The following TRIP4 variants were observed in gnomAD, a reference collection of about 807,000 sequenced individuals.
TRIP4 encodes the protein thyroid hormone receptor interactor 4.
A neutral mutation model predicts 81.8 loss-of-function variants in TRIP4; 54 were observed. The ratio of observed to expected loss-of-function variants is 0.66; its 90% CI spans 0.53 to 0.83. TRIP4 has a LOEUF of 0.83. Ranked by LOEUF, TRIP4 falls within the 40% of genes least tolerant of loss-of-function variation. The pLI is 0.00. For missense variants in TRIP4, 662 were observed against 683.6 expected (o/e 0.97, Z 0.35); for synonymous variants, 270 against 242.8 (o/e 1.11, Z -1.04).
intron 12 of TRIP4, among the ~76,000 whole-genome samples, chr15:64,449,205 C>G (rs1892698414): frequency 6.7e-6 from 1 of 148,550 alleles, no homozygotes; most frequent in Non-Finnish European, 1.5e-5. Context: ...CAGCAAGACC[C>G]TGTCTCTAAA....
intron 8 of TRIP4, among the ~76,000 whole-genome samples, chr15:64,415,868 A>G (rs765831484): frequency 1.3e-5 from 2 of 152,196 alleles, no homozygotes; most frequent in Non-Finnish European, 2.9e-5. Flanking sequence ...AAGTAGGCAA[A>G]GAAGGGTTCT....
In TRIP4 at chr15:64,409,755, A is replaced by C; in HGVS notation, c.970A>C (p.Lys324Gln). ...ACTTCGACACGCCTCTCGACTTTCT[A>C]AGAAGGTCACCATTGACTTTGCAGG... ...RELRHASRLSKKVTIDFAGRK... is the reference protein window; with the variant it reads ...RELRHASRLSQKVTIDFAGRK... The change falls in exon 7 of 13, where the codon AAG becomes CAG. Residue 324 changes from lysine to glutamine, a missense_variant. Physicochemically the swap from Lys to Gln is moderately conservative, Grantham distance 53 (BLOSUM62 1). Transcript: ENST00000261884. 1.2e-6 allele frequency: 2 copies of C among 1,614,140 alleles called. No individual in the cohort carries two copies. The highest frequency in any genetic ancestry group is 1.7e-6 in the Non-Finnish European group (2 of 1,180,028).
intron 1 of TRIP4, among the ~76,000 whole-genome samples, chr15:64,391,318 A>G (rs1473110916): frequency 2.0e-5 from 3 of 151,690 alleles, no homozygotes; most frequent in Non-Finnish European, 4.4e-5. Flanking sequence ...CACCATGCCC[A>G]GCTAATTTTT....
intron 11 of TRIP4, among the ~76,000 whole-genome samples, chr15:64,431,252 C>T (rs1259782916): frequency 3.9e-5 from 6 of 152,098 alleles, no homozygotes; most frequent in South Asian, 2.1e-4. Flanking sequence ...CAAAATATTC[C>T]GATAACAGCC....
intron 3 of TRIP4, 92 bp downstream of exon 3, chr15:64,395,623 G>C: frequency 7.2e-7 from 1 of 1,380,404 alleles, no homozygotes; most frequent in South Asian, 1.7e-5. Flanking sequence ...AATTGGTCTA[G>C]AATGGCAATT....
At chr15:64,402,545 C>T (rs1373480867) in intron 5 of TRIP4, among the ~76,000 whole-genome samples, 6 of 138,496 alleles carry the variant, frequency 4.3e-5, no homozygotes, top group South Asian at 4.5e-4. Flanking sequence ...TTTTCTGAGA[C>T]GGAGTTTTGC....
intron 6 of TRIP4, among the ~76,000 whole-genome samples, chr15:64,408,786 A>C (rs1204085238): frequency 6.6e-6 from 1 of 152,138 alleles, no homozygotes; most frequent in African/African-American, 2.4e-5. Flanking sequence ...TCCAGGTTTT[A>C]GTGTCTCTGT....
At chr15:64,418,463 A>G (rs1170312836) in intron 8 of TRIP4, 78 bp from the exon 9 acceptor site, 1 of 1,388,172 alleles carries the variant, frequency 7.2e-7, no homozygotes. Context: ...CCTCATTATT[A>G]GCATTCGCAT....
At position 64,444,877 on chromosome 15, in the gene TRIP4, T is replaced by G; in HGVS notation, c.1576-129T>G. On this transcript the variant is annotated intron_variant, in intron 11 of 12. Transcript: ENST00000261884. ...GTTTGTTCTTGCTTGTTGAGCATAA[T>G]CCTCTTTACCTGTGAAATGGAAAGT... 5.2e-6 allele frequency: 3 copies of G among 574,546 alleles called. No individual in the cohort carries two copies. In the South Asian group the frequency reaches 6.4e-5, roughly 12 times the overall value. The allele number at this position is 574,546 out of a possible 1,614,324, so 35.6% of individuals were successfully genotyped here.
chr15:64,427,010 A>G (rs572127566), intron 11 of TRIP4, among the ~76,000 whole-genome samples: 2 of 151,646 alleles, frequency 1.3e-5, no homozygotes, highest in East Asian at 3.9e-4. Context: ...AAAAAAAAGA[A>G]AAAAAAAAGA....
At chr15:64,401,814 A>G (rs923358413) in intron 5 of TRIP4, among the ~76,000 whole-genome samples, 12 of 152,354 alleles carry the variant, frequency 7.9e-5, no homozygotes, top group African/African-American at 2.6e-4. Flanking sequence ...AGAACACTAC[A>G]GTAGTAACTG....
intron 11 of TRIP4, among the ~76,000 whole-genome samples, chr15:64,442,348 A>T (rs924691167): frequency 1.3e-5 from 2 of 152,204 alleles, no homozygotes; most frequent in Non-Finnish European, 2.9e-5. Context: ...TGAAGTCTTA[A>T]GAAATGGTGA....
intron 11 of TRIP4, among the ~76,000 whole-genome samples, chr15:64,440,883 A>G (rs757977662): frequency 1.8e-4 from 27 of 152,210 alleles, no homozygotes; most frequent in Non-Finnish European, 3.5e-4. Flanking sequence ...ACACATTAAG[A>G]GTAATATCTA....
chr15:64,400,680 T>C, intron 4 of TRIP4, 63 bp from the exon 5 acceptor site: 6 of 1,300,290 alleles, frequency 4.6e-6, no homozygotes, highest in South Asian at 1.2e-5. Context: ...TACTTTTAGA[T>C]ATATCAAGAA....
At chr15:64,445,213 G>T (rs878965166) in intron 12 of TRIP4, 105 bp downstream of exon 12, 1 of 584,396 alleles carries the variant, frequency 1.7e-6, no homozygotes, top group Non-Finnish European at 3.0e-6. Flanking sequence ...TGAACAATCA[G>T]TTGAGGTAAC....
At chr15:64,437,488 G>A (rs182503732) in intron 11 of TRIP4, among the ~76,000 whole-genome samples, 4 of 150,468 alleles carry the variant, frequency 2.7e-5, no homozygotes, top group Non-Finnish European at 4.4e-5. Context: ...ATATGAAGTC[G>A]TGTTACTTTG....
At chr15:64,409,922 T>TA in intron 7 of TRIP4, 94 bp downstream of exon 7, 4 of 1,156,130 alleles carry the variant, frequency 3.5e-6, no homozygotes, top group Non-Finnish European at 4.9e-6. Flanking sequence ...TTTGTTGATT[T>TA]AAAAAATGTG....
intron 12 of TRIP4, among the ~76,000 whole-genome samples, chr15:64,454,336 T>TG: frequency 6.6e-6 from 1 of 152,178 alleles, no homozygotes; most frequent in Admixed American, 6.5e-5. Flanking sequence ...AACTCTATCC[T>TG]GGTAGATCTG....
chr15:64,417,995 C>T (rs1424444222), intron 8 of TRIP4, among the ~76,000 whole-genome samples: 1 of 152,170 alleles, frequency 6.6e-6, no homozygotes, highest in African/African-American at 2.4e-5. Context: ...GAGATTTCAA[C>T]ATTCTAATTA....
Sources: allele counts gnomAD v4.1 joint callset (sites outside exome capture counted in the v4.1 genomes callset), GRCh38; gene constraint gnomAD v4.1.1; transcripts MANE v1.5; gene names NCBI Gene and HGNC (gene_info 2026-07-23, HGNC 2026-07-21).